The following UBASH3A variants were observed in gnomAD, a reference collection of about 807,000 sequenced individuals.
UBASH3A encodes ubiquitin associated and SH3 domain containing A, also known as ubiquitin-associated and SH3 domain-containing protein A.
In UBASH3A, 63 loss-of-function variants were observed where a neutral mutation model predicts 73.5. The observed-to-expected ratio is 0.86, with a 90% CI of 0.70 to 1.06. UBASH3A has a LOEUF of 1.06. Ranked by LOEUF, UBASH3A falls within the 50% of genes least tolerant of loss-of-function variation. The pLI, the probability that UBASH3A is intolerant of heterozygous loss-of-function variation, is 0.00. For missense variants in UBASH3A, 860 were observed against 859.0 expected, an observed-to-expected ratio of 1.00 and a Z score of -0.02; for synonymous variants, 363 against 351.1, an observed-to-expected ratio of 1.03 and a Z score of -0.38.
chr21:42,409,662 G>A (rs576064258), intron 3 of UBASH3A, 54 bp downstream of exon 3: 15 of 1,520,858 alleles, frequency 9.9e-6, no homozygotes, highest in Admixed American at 1.9e-5. Context: ...GCATTTTTCT[G>A]TGCTAACTAG....
chr21:42,437,371 G>T, intron 10 of UBASH3A, 117 bp from the exon 11 acceptor site: 1 of 812,948 alleles, frequency 1.2e-6, no homozygotes, highest in Non-Finnish European at 2.1e-6. Flanking sequence ...TCACACCAGG[G>T]GGTGGAAACC....
intron 10 of UBASH3A, among the ~76,000 whole-genome samples, chr21:42,435,712 A>G (rs11701515): frequency 6.6e-6 from 1 of 151,964 alleles, no homozygotes; most frequent in Admixed American, 6.6e-5. Flanking sequence ...GAGTTATAGA[A>G]TTATAGAGTT....
Position 42,424,580 on chromosome 21 carries a change from G to A in UBASH3A, c.1047-2117G>A, listed in dbSNP as rs145518644. Among the ~76,000 whole-genome samples the A allele has an allele frequency of 2.5e-3, 384 of 152,256 alleles. 1 individual carries two copies. The highest frequency in any genetic ancestry group is 8.0e-3 in the African/African-American group (333 of 41,528). On this transcript the variant is annotated intron_variant, in intron 7 of 14. Coordinates refer to ENST00000319294, the MANE Select transcript of UBASH3A (RefSeq NM_018961.4). ...AAACAACAGGGGGGCTTGAGTGTGA[G>A]GGCTCGGGAGAATAAGTGCCATCCC... is the stretch of plus-strand genomic sequence containing the variant.
intron 7 of UBASH3A, among the ~76,000 whole-genome samples, chr21:42,420,565 C>A (rs887378397): frequency 6.6e-6 from 1 of 152,062 alleles, no homozygotes; most frequent in Non-Finnish European, 1.5e-5. Context: ...TGATTTACTA[C>A]AATGAATTGC....
Position 42,413,671 on chromosome 21 carries a change from G to A in UBASH3A, c.667+148G>A. On this transcript the variant is annotated intron_variant, in intron 5 of 14. Transcript: ENST00000319294. This position sits in a 1 kb window ranked among gnomAD's most constrained non-coding sequence, Gnocchi z 4.5. ...GAAGGGTGTGCCAAGCATCAAGCCT[G>A]AGTGGGTGACTGTGACGGGGTTGGA... 1 of 650,094 alleles carries A rather than the reference G, an allele frequency of 1.5e-6. No individual in the cohort carries two copies. The highest frequency in any genetic ancestry group is 2.6e-6 in the Non-Finnish European group (1 of 384,034). 40.3% of individuals were successfully genotyped at this position (650,094 alleles called of 1,614,324 possible).
At chr21:42,414,949 C>T (rs1017549403) in intron 5 of UBASH3A, among the ~76,000 whole-genome samples, 1 of 152,224 alleles carries the variant, frequency 6.6e-6, no homozygotes, top group Admixed American at 6.5e-5. Flanking sequence ...TGGGAGCCAG[C>T]GTTGACCTCA....
intron 8 of UBASH3A, among the ~76,000 whole-genome samples, chr21:42,430,669 GC>G (rs1279449670): frequency 6.6e-6 from 1 of 152,168 alleles, no homozygotes; most frequent in African/African-American, 2.4e-5. Flanking sequence ...TGTTCGCTCT[GC>G]CCCCACCATC....
chr21:42,436,328 G>C (rs2053627640), intron 10 of UBASH3A, among the ~76,000 whole-genome samples: 1 of 152,180 alleles, frequency 6.6e-6, no homozygotes, highest in Non-Finnish European at 1.5e-5. Context: ...TGAGTGCAGT[G>C]GTGAGAATAC....
intron 10 of UBASH3A, among the ~76,000 whole-genome samples, chr21:42,436,700 C>T (rs1197880544): frequency 6.6e-6 from 1 of 152,226 alleles, no homozygotes; most frequent in Non-Finnish European, 1.5e-5. Flanking sequence ...AAACCTCGCT[C>T]ATCAGCTTTC....
chr21:42,432,243 A>G, intron 9 of UBASH3A, 41 bp downstream of exon 9: 1 of 1,364,556 alleles, frequency 7.3e-7, no homozygotes, highest in Non-Finnish European at 1.0e-6. Flanking sequence ...GAAACACTGT[A>G]GATCTAACCA....
intron 13 of UBASH3A, among the ~76,000 whole-genome samples, chr21:42,443,677 C>T (rs1048527124): frequency 3.4e-5 from 5 of 146,738 alleles, no homozygotes; most frequent in African/African-American, 5.1e-5. Context: ...GGAATGATCT[C>T]TGAGATGGAA....
chr21:42,445,648 G>A (rs750262084), intron 14 of UBASH3A, among the ~76,000 whole-genome samples: 2 of 152,228 alleles, frequency 1.3e-5, no homozygotes, highest in East Asian at 1.9e-4. Flanking sequence ...CATGCCTGCC[G>A]TGGGTCATTG....
At chr21:42,432,614 G>A in intron 9 of UBASH3A, among the ~76,000 whole-genome samples, 1 of 152,200 alleles carries the variant, frequency 6.6e-6, no homozygotes, top group East Asian at 1.9e-4. Context: ...CTAATAGGAA[G>A]CCTGTAGTGT....
Position 42,426,818 on chromosome 21 carries a change from C to T in UBASH3A, c.1168C>T (p.Gln390Ter), listed in dbSNP as rs747892441. ...ARSLSSLQAL[Q>*]ATVARKSVLV... is the part of the protein sequence containing the mutation. ...GAGTCTTAGCAGCTTACAGGCCTTG[C>T]AGGTAATAGAACATTCCCTTTTTTC... Residue 390 changes from glutamine (Q) to a stop codon, truncating the protein, a stop_gained and splice_region_variant, in exon 8 of 15, where the codon CAG (glutamine) becomes TAG (stop). Coordinates refer to ENST00000319294, the MANE Select transcript of UBASH3A (RefSeq NM_018961.4). LOFTEE classifies it high-confidence loss of function. 6.2e-7 allele frequency: 1 copy of T among 1,613,690 alleles called. No homozygotes were observed. The highest frequency in any genetic ancestry group is 1.1e-5 in the South Asian group (1 of 91,034).
At chr21:42,422,410 C>G (rs149429890) in intron 7 of UBASH3A, among the ~76,000 whole-genome samples, 4 of 152,208 alleles carry the variant, frequency 2.6e-5, no homozygotes, top group African/African-American at 4.8e-5. Flanking sequence ...AACTGATTTA[C>G]TTCTCCAATA....
chr21:42,436,796 A>G (rs2053634167), intron 10 of UBASH3A, among the ~76,000 whole-genome samples: 1 of 151,974 alleles, frequency 6.6e-6, no homozygotes, highest in Admixed American at 6.6e-5. Context: ...GGCAGAGTAC[A>G]GGCTTTTCCT....
intron 7 of UBASH3A, among the ~76,000 whole-genome samples, chr21:42,420,017 G>T (rs1454579834): frequency 6.6e-6 from 1 of 152,166 alleles, no homozygotes; most frequent in African/African-American, 2.4e-5. Flanking sequence ...CCCATCTGAA[G>T]TTGAAGAACA....
chr21:42,433,088 T>C (rs1192361883), intron 9 of UBASH3A, among the ~76,000 whole-genome samples: 3 of 151,910 alleles, frequency 2.0e-5, no homozygotes, highest in African/African-American at 7.3e-5. Context: ...AAAATAGTTA[T>C]TGAACTTCAT....
rs1192456516 is a variant in UBASH3A at position 42,406,381 on chromosome 21, T to A, written c.167+20T>A. On this transcript the variant is annotated intron_variant, in intron 2 of 14. Coordinates refer to ENST00000319294, the MANE Select transcript of UBASH3A (RefSeq NM_018961.4). Reference sequence around the variant, plus strand: ...GGCCTGGTGAGTGCAGCTGCTTCTGTAGACCCAGGGGCGTTTGGGCTGAAT... The same window carrying A: ...GGCCTGGTGAGTGCAGCTGCTTCTGAAGACCCAGGGGCGTTTGGGCTGAAT... 1 of 1,609,500 alleles carries A rather than the reference T, an allele frequency of 6.2e-7. No homozygotes were observed. Among genetic ancestry groups the A allele is most frequent in the Non-Finnish European group, 8.5e-7 (1 of 1,175,830 alleles).
Sources: allele counts gnomAD v4.1 joint callset (sites outside exome capture counted in the v4.1 genomes callset), GRCh38; gene constraint gnomAD v4.1.1; non-coding constraint Gnocchi (gnomAD v3.1); transcripts MANE v1.5; gene names NCBI Gene and HGNC (gene_info 2026-07-23, HGNC 2026-07-21).